Variants in OARD1 observed in about 807,000 individuals in gnomAD.
OARD1 encodes the protein ADP-ribose glycohydrolase OARD1.
In OARD1, 19 loss-of-function variants were observed where a neutral mutation model predicts 19.7. The ratio of observed to expected loss-of-function variants is 0.96; its 90% CI spans 0.67 to 1.41. The LOEUF is 1.41. Ranked by LOEUF, OARD1 falls within the 40% of genes most tolerant of loss-of-function variation. The pLI is 0.00. For synonymous variants in OARD1, 70 were observed against 61.8 expected (o/e 1.13, Z -0.62); for missense variants, 190 against 183.8 (o/e 1.03, Z -0.20).
chr6:41,095,905 G>A (rs1479056330), intron 1 of OARD1, among the ~76,000 whole-genome samples: 1 of 152,106 alleles, frequency 6.6e-6, no homozygotes, highest in East Asian at 1.9e-4. Context: ...TATTTGTTGG[G>A]TTTAGTATCC....
chr6:41,094,258 C>A, intron 1 of OARD1: 1 of 659,558 alleles, frequency 1.5e-6, no homozygotes, highest in East Asian at 2.8e-5. Flanking sequence ...AAGCTTCCAT[C>A]GTCATTCTAA....
At position 41,065,421 on chromosome 6, in the gene OARD1, C is replaced by T. The variant is rs1249229149; in HGVS notation, c.*1914G>A. 6 of 152,160 alleles carry T rather than the reference C, an allele frequency of 3.9e-5. No homozygotes were observed. Among genetic ancestry groups the T allele is most frequent in the East Asian group, 3.8e-4 (2 of 5,202 alleles). The allele number at this position is 152,160 out of a possible 1,614,324, so 9.4% of individuals were successfully genotyped here. A position where few individuals can be genotyped will look rare whatever the true frequency, so the allele number is the denominator to read the frequency against. On this transcript the variant is annotated 3_prime_UTR_variant, in exon 6 of 6. Coordinates refer to ENST00000424266, the MANE Select transcript of OARD1 (RefSeq NM_001329686.2). ...AAGATGGGGTTACCCAGACATAGAC[C>T]TAAGTTGAGGAGCATCTGTAATTGC...
At chr6:41,068,431 C>A (rs993009604) in intron 5 of OARD1, among the ~76,000 whole-genome samples, 1 of 152,174 alleles carries the variant, frequency 6.6e-6, no homozygotes, top group Non-Finnish European at 1.5e-5. Context: ...ACTTTCTTGA[C>A]GCAAAGTAAT....
chr6:41,096,801 T>C (rs1183463615), intron 1 of OARD1, among the ~76,000 whole-genome samples: 1 of 152,066 alleles, frequency 6.6e-6, no homozygotes, highest in East Asian at 1.9e-4. Flanking sequence ...GAAATGGGAG[T>C]CAGGAGATTT....
intron 1 of OARD1, among the ~76,000 whole-genome samples, chr6:41,097,077 C>A (rs565016941): frequency 5.3e-5 from 8 of 152,290 alleles, no homozygotes; most frequent in Admixed American, 5.2e-4. Flanking sequence ...GTATAGAGAA[C>A]AACACAAGGT....
chr6:41,087,016 G>T (rs1479299745), intron 1 of OARD1, among the ~76,000 whole-genome samples: 1 of 151,940 alleles, frequency 6.6e-6, no homozygotes, highest in East Asian at 1.9e-4. Context: ...AGTAAACAAG[G>T]TGAAAACTTG....
chr6:41,086,206 CA>C (rs10712220), intron 1 of OARD1, among the ~76,000 whole-genome samples: 33,604 of 151,906 alleles, frequency 0.22, 5,374 homozygotes, highest in African/African-American at 0.45. Flanking sequence ...TGTAGTGGTC[CA>C]AGCTTTCATT....
chr6:41,083,695 A>G (rs532132207), intron 1 of OARD1, among the ~76,000 whole-genome samples: 1 of 152,270 alleles, frequency 6.6e-6, no homozygotes, highest in South Asian at 2.1e-4. Context: ...AGCCTTCACT[A>G]CAGACCATTC....
intron 1 of OARD1, among the ~76,000 whole-genome samples, chr6:41,078,034 A>G (rs1025812985): frequency 6.6e-6 from 1 of 152,210 alleles, no homozygotes. Flanking sequence ...AGAATTTTCA[A>G]GTGTGCAGTG....
chr6:41,071,412 T>C, intron 2 of OARD1, 136 bp from the exon 3 acceptor site: 2 of 1,019,016 alleles, frequency 2.0e-6, no homozygotes, highest in Non-Finnish European at 2.9e-6. Flanking sequence ...GCCAAACCAA[T>C]TACAGCATGT....
chr6:41,068,441 T>G (rs1159048528), intron 5 of OARD1, among the ~76,000 whole-genome samples: 1 of 152,202 alleles, frequency 6.6e-6, no homozygotes, highest in Non-Finnish European at 1.5e-5. Flanking sequence ...CGCAAAGTAA[T>G]AGGTTTGGGA....
Position 41,092,776 on chromosome 6 carries a change from T to C in OARD1, c.-42+4937A>G, listed in dbSNP as rs548891705. 26 of 740,864 alleles carry C rather than the reference T, an allele frequency of 3.5e-5. No individual in the cohort carries two copies. The East Asian group carries it at 7.1e-4, about 20-fold the overall frequency. 45.9% of individuals were successfully genotyped at this position (740,864 alleles called of 1,614,324 possible). On this transcript the variant is annotated intron_variant, in intron 1 of 4. Transcript: ENST00000480585. ...TCTTTAGTATAAATTTCTCCAGGGA[T>C]CCGCATTTACCCAAGTACCCTATAA...
intron 5 of OARD1, 84 bp downstream of exon 5, chr6:41,068,757 A>C: frequency 3.8e-6 from 3 of 790,994 alleles, no homozygotes; most frequent in Non-Finnish European, 5.8e-6. Context: ...TTTTGGGTTA[A>C]GCTTTTAAGT....
chr6:41,079,138 G>T, intron 1 of OARD1: 1 of 1,614,194 alleles, frequency 6.2e-7, no homozygotes, highest in Non-Finnish European at 8.5e-7. Flanking sequence ...GCAGATTGTT[G>T]TCCAGGCAGG....
intron 1 of OARD1, among the ~76,000 whole-genome samples, chr6:41,078,847 A>G (rs1327910005): frequency 6.6e-6 from 1 of 152,252 alleles, no homozygotes; most frequent in Non-Finnish European, 1.5e-5. Flanking sequence ...TGAAAATAGC[A>G]TTATGTTGTT....
chr6:41,071,283 A>C lies in OARD1; in HGVS notation c.40-7T>G. The C allele has an allele frequency of 6.2e-7, 1 of 1,612,934 alleles. No homozygotes were observed. The highest frequency in any genetic ancestry group is 8.5e-7 in the Non-Finnish European group (1 of 1,179,320). ...CTCCTTTCACATAAGTGATCTAAAA[A>C]ATGTGCAAAGGAAAAGACAATGTTT... On this transcript the variant is annotated splice_region_variant and splice_polypyrimidine_tract_variant and intron_variant, in intron 2 of 5. Transcript: ENST00000424266.
At chr6:41,074,977 A>G (rs895181459), upstream of OARD1, among the ~76,000 whole-genome samples, 1 of 151,518 alleles carries the variant, frequency 6.6e-6, no homozygotes, top group African/African-American at 2.4e-5. Flanking sequence ...TTAATGTTAT[A>G]CAACTAATAG....
intron 1 of OARD1, chr6:41,093,201 C>T: frequency 1.2e-6 from 1 of 852,830 alleles, no homozygotes; most frequent in Non-Finnish European, 1.7e-6. Flanking sequence ...ACGTTAGATA[C>T]TTGTTGTCTC....
chr6:41,074,467 C>T (rs959413428), upstream of OARD1, among the ~76,000 whole-genome samples: 1 of 152,346 alleles, frequency 6.6e-6, no homozygotes, highest in African/African-American at 2.4e-5. Flanking sequence ...TGTGAAGTAT[C>T]CATGCGTGAG....
Sources: gnomAD v4.1 joint callset for allele counts (sites outside exome capture counted in the v4.1 genomes callset) on GRCh38, gnomAD v4.1.1 for gene constraint, MANE v1.5 for transcripts, NCBI Gene and HGNC (gene_info 2026-07-23, HGNC 2026-07-21) for gene names.